SCAPER: variants seen among roughly 807,000 people sequenced by gnomAD.
SCAPER encodes S phase cyclin A-associated protein in the endoplasmic reticulum.
SCAPER carries 98 observed loss-of-function variants against 182.2 expected under a neutral mutation model. The ratio of observed to expected loss-of-function variants is 0.54; its 90% CI spans 0.46 to 0.64. SCAPER has a LOEUF of 0.64. Ranked by LOEUF, SCAPER falls within the 30% of genes least tolerant of loss-of-function variation. The probability of loss-of-function intolerance (pLI) is 0.00; values close to 1 mark genes in which losing one functional copy is unlikely to be tolerated. For missense variants in SCAPER, 1,432 were observed against 1,690.0 expected (o/e 0.85, Z 2.68); for synonymous variants, 605 against 564.6 (o/e 1.07, Z -1.01).
intron 8 of SCAPER, among the ~76,000 whole-genome samples, chr15:76,779,929 T>C (rs1470567355): frequency 6.6e-6 from 1 of 152,134 alleles, no homozygotes; most frequent in Non-Finnish European, 1.5e-5. Context: ...CATGGGTGAA[T>C]AGGAACAGCT....
intron 27 of SCAPER, among the ~76,000 whole-genome samples, chr15:76,400,937 T>C (rs1018965910): frequency 2.0e-5 from 3 of 151,460 alleles, no homozygotes; most frequent in African/African-American, 7.3e-5. Context: ...TTAAATAAAA[T>C]GTATCAGATG....
chr15:76,889,638 G>A (rs1222098666), intron 1 of SCAPER, among the ~76,000 whole-genome samples: 2 of 152,186 alleles, frequency 1.3e-5, no homozygotes, highest in South Asian at 2.1e-4. Context: ...AAATATATAC[G>A]CACCCAATAC....
intron 29 of SCAPER, among the ~76,000 whole-genome samples, chr15:76,374,630 C>T (rs1289822509): frequency 1.3e-5 from 2 of 151,348 alleles, no homozygotes; most frequent in Admixed American, 6.6e-5. Flanking sequence ...TACAGGCATG[C>T]GCCACCATGC....
At chr15:76,611,569 C>T (rs953609212) in intron 22 of SCAPER, among the ~76,000 whole-genome samples, 54 of 152,142 alleles carry the variant, frequency 3.5e-4, no homozygotes, top group African/African-American at 1.2e-3. Flanking sequence ...TCCACCTTAA[C>T]AGATCCTATA....
At chr15:76,476,627 G>C (rs2050662235) in intron 24 of SCAPER, among the ~76,000 whole-genome samples, 1 of 25,302 alleles carries the variant, frequency 4.0e-5, no homozygotes, top group Admixed American at 7.3e-4. Context: ...TTTTTTTGTA[G>C]AGACAGAGTC....
chr15:76,687,388 G>A (rs912177501), intron 20 of SCAPER, among the ~76,000 whole-genome samples: 2 of 152,018 alleles, frequency 1.3e-5, no homozygotes, highest in African/African-American at 2.4e-5. Context: ...ACCATTATCC[G>A]ATAAAAGTAA....
chr15:76,550,268 G>A (rs1222411201), intron 23 of SCAPER, among the ~76,000 whole-genome samples: 1 of 152,162 alleles, frequency 6.6e-6, no homozygotes, highest in African/African-American at 2.4e-5. Flanking sequence ...TGTGTGCCAT[G>A]GTGGTTTGCT....
intron 23 of SCAPER, among the ~76,000 whole-genome samples, chr15:76,542,578 TA>T (rs200730763): frequency 6.7e-6 from 1 of 148,776 alleles, no homozygotes. Flanking sequence ...TAAAATAAAA[TA>T]AAAAAAAGAA....
intron 26 of SCAPER, among the ~76,000 whole-genome samples, chr15:76,407,670 A>G (rs1264040340): frequency 6.6e-6 from 1 of 152,206 alleles, no homozygotes; most frequent in African/African-American, 2.4e-5. Flanking sequence ...ACAGTTTGAT[A>G]ATTTTCCTTT....
At chr15:76,579,265 CAAAAA>C (rs71143342) in intron 22 of SCAPER, among the ~76,000 whole-genome samples, 25 of 49,484 alleles carry the variant, frequency 5.1e-4, no homozygotes, top group South Asian at 1.3e-3. Context: ...GACTCTGTCT[CAAAAA>C]AAAAAAAAAA....
At chr15:76,726,136 TATATATATATATATATATAA>T (rs889863955) in intron 17 of SCAPER, among the ~76,000 whole-genome samples, 2 of 121,718 alleles carry the variant, frequency 1.6e-5, no homozygotes, top group African/African-American at 6.2e-5. Flanking sequence ...TATATATATA[TATATATATATATATATATAA>T]AAAACTCTAT....
In SCAPER at chr15:76,441,892, A is replaced by T. The variant is rs143812088; in HGVS notation, c.3079-7582T>A. 2.0e-4 allele frequency among the ~76,000 whole-genome samples: 31 copies of T among 152,320 alleles called. 1 individual carries two copies. Among genetic ancestry groups the T allele is most frequent in the African/African-American group, 7.5e-4 (31 of 41,572 alleles). ...GATCACTGCTACAATCCCAGTGCCT[A>T]CACAACATCAGACATGTAGTAGATG... On this transcript the variant is annotated intron_variant, in intron 25 of 31. Coordinates refer to ENST00000563290, the MANE Select transcript of SCAPER (RefSeq NM_020843.4).
At chr15:76,700,715 A>G (rs1238734530) in intron 20 of SCAPER, among the ~76,000 whole-genome samples, 3 of 152,120 alleles carry the variant, frequency 2.0e-5, no homozygotes, top group African/African-American at 7.2e-5. Context: ...ATAAAATACT[A>G]TTCAACTACA....
chr15:76,861,592 G>A (rs909481442), intron 3 of SCAPER, among the ~76,000 whole-genome samples: 1 of 152,100 alleles, frequency 6.6e-6, no homozygotes, highest in Non-Finnish European at 1.5e-5. Context: ...AGCCATTAAA[G>A]GGAGGGTAGA....
intron 1 of SCAPER, among the ~76,000 whole-genome samples, chr15:76,900,057 T>A (rs1425893731): frequency 6.6e-6 from 1 of 152,190 alleles, no homozygotes; most frequent in Admixed American, 6.5e-5. Flanking sequence ...CCCTGCTCTC[T>A]GAAACATGTG....
chr15:76,663,376 A>T (rs2056342388), intron 21 of SCAPER, among the ~76,000 whole-genome samples: 1 of 152,166 alleles, frequency 6.6e-6, no homozygotes, highest in Non-Finnish European at 1.5e-5. Context: ...CAGTTTGACA[A>T]TTCTACTTGT....
In SCAPER at chr15:76,756,607, C is replaced by T. The variant is rs1268434447; in HGVS notation, c.1726-2659G>A. On this transcript the variant is annotated intron_variant, in intron 14 of 31. Coordinates refer to ENST00000563290, the MANE Select transcript of SCAPER (RefSeq NM_020843.4). ...AAAAAACAATAGAAGAATCATTATG[C>T]AATTCCTGGTTGCCTTTTTCACAGA... Among the ~76,000 whole-genome samples, 3 of 151,972 alleles carry T rather than the reference C, an allele frequency of 2.0e-5. No homozygotes were observed. In the East Asian group the frequency reaches 5.8e-4, roughly 29 times the overall value.
At chr15:76,717,618 G>A (rs2059958264) in intron 17 of SCAPER, among the ~76,000 whole-genome samples, 1 of 152,088 alleles carries the variant, frequency 6.6e-6, no homozygotes, top group African/African-American at 2.4e-5. Context: ...CTTAACAGTT[G>A]TTAAGTGTAA....
At chr15:76,482,053 C>T (rs1482692514) in intron 24 of SCAPER, among the ~76,000 whole-genome samples, 1 of 151,874 alleles carries the variant, frequency 6.6e-6, no homozygotes, top group Non-Finnish European at 1.5e-5. Flanking sequence ...AATCAGCAGG[C>T]GCATAATATC....
Sources: gnomAD v4.1 joint callset for allele counts (sites outside exome capture counted in the v4.1 genomes callset) on GRCh38, gnomAD v4.1.1 for gene constraint, MANE v1.5 for transcripts, NCBI Gene and HGNC (gene_info 2026-07-23, HGNC 2026-07-21) for gene names.